Variants in WDPCP observed in about 807,000 individuals in gnomAD.
WDPCP encodes the protein WD repeat-containing and planar cell polarity effector protein fritz homolog.
In WDPCP, 71 loss-of-function variants were observed where a neutral mutation model predicts 93.1. The ratio of observed to expected loss-of-function variants is 0.76; its 90% CI spans 0.63 to 0.93. The LOEUF is 0.93. Among genes scored for constraint, WDPCP ranks in the 40% least tolerant of loss-of-function variants. The probability of loss-of-function intolerance (pLI) is 0.00; values close to 1 mark genes in which losing one functional copy is unlikely to be tolerated. For synonymous variants in WDPCP, 315 were observed against 315.0 expected, an observed-to-expected ratio of 1.00 and a Z score of 0.00; for missense variants, 844 against 887.4, an observed-to-expected ratio of 0.95 and a Z score of 0.62.
At chr2:63,473,643 C>T (rs1182590829) in intron 6 of WDPCP, among the ~76,000 whole-genome samples, 1 of 152,148 alleles carries the variant, frequency 6.6e-6, no homozygotes, top group African/African-American at 2.4e-5. Flanking sequence ...ATCTGGTTTG[C>T]AACTTCCAAA....
At chr2:63,570,824 G>A (rs1168121951) in intron 1 of WDPCP, among the ~76,000 whole-genome samples, 1 of 152,136 alleles carries the variant, frequency 6.6e-6, no homozygotes, top group East Asian at 1.9e-4. Flanking sequence ...ATAGTAGCTT[G>A]GAGCATAAAC....
intron 14 of WDPCP, among the ~76,000 whole-genome samples, chr2:63,218,032 G>GT (rs1677499326): frequency 6.6e-6 from 1 of 152,136 alleles, no homozygotes; most frequent in African/African-American, 2.4e-5. Context: ...TTACTGAGCA[G>GT]TTATACAGAA....
At chr2:63,703,542 A>G (rs1451119860) in intron 2 of WDPCP, among the ~76,000 whole-genome samples, 2 of 151,638 alleles carry the variant, frequency 1.3e-5, no homozygotes, top group African/African-American at 2.4e-5. Flanking sequence ...GTCTGTTCAT[A>G]TCCTTTGCCC....
At chr2:63,383,732 A>C (rs1367933935) in intron 10 of WDPCP, among the ~76,000 whole-genome samples, 1 of 152,112 alleles carries the variant, frequency 6.6e-6, no homozygotes, top group Non-Finnish European at 1.5e-5. Flanking sequence ...ATCAATCAAT[A>C]AAATTATAAT....
chr2:63,576,743 T>C (rs1708143875), intron 1 of WDPCP, among the ~76,000 whole-genome samples: 1 of 152,142 alleles, frequency 6.6e-6, no homozygotes, highest in African/African-American at 2.4e-5. Context: ...TATCCAGGAC[T>C]CTCCAGCTAC....
intron 1 of WDPCP, among the ~76,000 whole-genome samples, chr2:63,574,329 C>T (rs1384912693): frequency 6.6e-6 from 1 of 152,072 alleles, no homozygotes; most frequent in East Asian, 1.9e-4. Flanking sequence ...CTCAGACTGG[C>T]CGACACTTAG....
intron 3 of WDPCP, among the ~76,000 whole-genome samples, chr2:63,627,585 G>A (rs1709823048): frequency 6.6e-6 from 1 of 152,174 alleles, no homozygotes; most frequent in Non-Finnish European, 1.5e-5. Flanking sequence ...TCCACTGGTA[G>A]AGAGCAGATA....
At chr2:63,144,082 T>C (rs1331347194) in intron 17 of WDPCP, among the ~76,000 whole-genome samples, 12 of 152,304 alleles carry the variant, frequency 7.9e-5, no homozygotes, top group Admixed American at 7.2e-4. Flanking sequence ...CTGATTATTC[T>C]TAAGTTTGGT....
intron 2 of WDPCP, among the ~76,000 whole-genome samples, chr2:63,792,491 C>A (rs745891645): frequency 1.1e-4 from 16 of 152,078 alleles, no homozygotes; most frequent in Non-Finnish European, 2.1e-4. Flanking sequence ...GGGACACAGC[C>A]AAACCATATC....
At chr2:63,819,287 G>C (rs1239378549) in intron 1 of WDPCP, among the ~76,000 whole-genome samples, 2 of 152,144 alleles carry the variant, frequency 1.3e-5, no homozygotes, top group Non-Finnish European at 2.9e-5. Context: ...TGATCTGTCT[G>C]ATTATTTTTC....
At chr2:63,621,874 ATT>A (rs1268671676) in intron 3 of WDPCP, among the ~76,000 whole-genome samples, 1 of 55,144 alleles carries the variant, frequency 1.8e-5, no homozygotes, top group African/African-American at 9.8e-5. Flanking sequence ...AATATTCAAC[ATT>A]CTTTTTTTTT....
At chr2:63,470,849 A>G (rs576472904) in intron 6 of WDPCP, among the ~76,000 whole-genome samples, 309 of 152,166 alleles carry the variant, frequency 2.0e-3, no homozygotes, top group Middle Eastern at 3.4e-3. Context: ...ACTCCCTGCT[A>G]TTCTTCAAAC....
intron 2 of WDPCP, among the ~76,000 whole-genome samples, chr2:63,688,116 A>G (rs1668836544): frequency 6.6e-6 from 1 of 152,218 alleles, no homozygotes. Flanking sequence ...GTTCTTATTT[A>G]TCTGTGGGAG....
chr2:63,768,939 T>C (rs902323532), intron 2 of WDPCP, among the ~76,000 whole-genome samples: 6 of 151,918 alleles, frequency 3.9e-5, no homozygotes, highest in Admixed American at 3.9e-4. Flanking sequence ...TCCTAGAGAT[T>C]AGTGGGATTC....
chr2:63,369,644 C>T (rs537129213), intron 12 of WDPCP, among the ~76,000 whole-genome samples: 1 of 152,140 alleles, frequency 6.6e-6, no homozygotes, highest in African/African-American at 2.4e-5. Context: ...TTCAATGTCA[C>T]GCCTAATAAG....
intron 14 of WDPCP, among the ~76,000 whole-genome samples, chr2:63,199,029 C>T (rs1485899636): frequency 6.6e-6 from 1 of 152,140 alleles, no homozygotes; most frequent in East Asian, 1.9e-4. Flanking sequence ...CAGCATTGTG[C>T]CCCTGCTCTG....
At chr2:63,490,891 G>A (rs1193225909) in intron 2 of WDPCP, among the ~76,000 whole-genome samples, 3 of 152,160 alleles carry the variant, frequency 2.0e-5, no homozygotes, top group African/African-American at 7.2e-5. Flanking sequence ...AGAATGTCAA[G>A]TGATTAAAAG....
chr2:63,490,551 A>G (rs1053474733), intron 2 of WDPCP, among the ~76,000 whole-genome samples: 7 of 152,192 alleles, frequency 4.6e-5, no homozygotes, highest in African/African-American at 1.7e-4. Context: ...GCCGAGCCCT[A>G]AAGAAGTAGG....
intron 15 of WDPCP, among the ~76,000 whole-genome samples, chr2:63,156,293 A>G (rs992676695): frequency 6.6e-6 from 1 of 151,426 alleles, no homozygotes; most frequent in African/African-American, 2.4e-5. Flanking sequence ...ATGAGCCACC[A>G]TGCCAGGCCC....
Sources: allele counts gnomAD v4.1 joint callset (sites outside exome capture counted in the v4.1 genomes callset), GRCh38; gene constraint gnomAD v4.1.1; transcripts MANE v1.5; gene names NCBI Gene and HGNC (gene_info 2026-07-23, HGNC 2026-07-21).